ANGPT1: variants seen among roughly 807,000 people sequenced by gnomAD.
The protein encoded by ANGPT1 is angiopoietin-1.
A neutral mutation model predicts 62.2 loss-of-function variants in ANGPT1; 17 were observed. That is an observed-to-expected ratio of 0.27 (90% confidence interval 0.19 to 0.41). The LOEUF (loss-of-function observed/expected upper bound fraction) is 0.41. Ranked by LOEUF, ANGPT1 falls within the 10% of genes least tolerant of loss-of-function variation. ANGPT1 has a pLI of 1.00. For missense variants in ANGPT1, 478 were observed against 594.9 expected, an observed-to-expected ratio of 0.80 and a Z score of 2.04; for synonymous variants, 199 against 198.9, an observed-to-expected ratio of 1.00 and a Z score of 0.00.
At position 107,443,688 on chromosome 8, in the gene ANGPT1, G is replaced by T. The variant is rs58125894; in HGVS notation, c.297+53574C>A. Reference sequence around the variant, plus strand: ...TACAAAATTAGCCAGGTGTGGTGGCGCATGGCTGTAATTCCAGCTATTCAG... The same window carrying T: ...TACAAAATTAGCCAGGTGTGGTGGCTCATGGCTGTAATTCCAGCTATTCAG... On this transcript the variant is annotated intron_variant, in intron 1 of 8. Transcript: ENST00000517746. 8.4e-3 allele frequency among the ~76,000 whole-genome samples: 1,266 copies of T among 151,198 alleles called. 11 individuals carry two copies. Among genetic ancestry groups the T allele is most frequent in the African/African-American group, 0.025 (1,046 of 41,186 alleles).
chr8:107,464,620 T>C lies in ANGPT1; in HGVS notation c.297+32642A>G, dbSNP rs73699710. 2.7e-3 allele frequency among the ~76,000 whole-genome samples: 408 copies of C among 152,248 alleles called. 2 individuals carry two copies. The highest frequency in any genetic ancestry group is 9.4e-3 in the African/African-American group (391 of 41,578). On this transcript the variant is annotated intron_variant, in intron 1 of 8. Coordinates refer to ENST00000517746, the MANE Select transcript of ANGPT1 (RefSeq NM_001146.5). ...GCTCAGCCTCTAGAATCACGCTCTCTGAATTTTAGGGTTTTATGACGTTGG... is the reference window on the plus strand; with the variant it reads ...GCTCAGCCTCTAGAATCACGCTCTCCGAATTTTAGGGTTTTATGACGTTGG...
At chr8:107,272,489 G>A (rs1208777705) in intron 7 of ANGPT1, among the ~76,000 whole-genome samples, 2 of 152,032 alleles carry the variant, frequency 1.3e-5, no homozygotes, top group East Asian at 3.9e-4. Flanking sequence ...GATAAAATGA[G>A]CTTATCAACC....
chr8:107,388,796 C>A (rs1563600093), intron 1 of ANGPT1, among the ~76,000 whole-genome samples: 1 of 152,228 alleles, frequency 6.6e-6, no homozygotes, highest in Non-Finnish European at 1.5e-5. Context: ...TATTTTCCTG[C>A]TGCTAAAAAC....
chr8:107,473,944 A>T (rs1421655763), intron 1 of ANGPT1, among the ~76,000 whole-genome samples: 1 of 152,142 alleles, frequency 6.6e-6, no homozygotes, highest in Non-Finnish European at 1.5e-5. Context: ...GGCAATAATT[A>T]ATAGCCTACC....
intron 7 of ANGPT1, among the ~76,000 whole-genome samples, chr8:107,269,236 G>A (rs1019127205): frequency 4.0e-5 from 6 of 151,768 alleles, no homozygotes; most frequent in East Asian, 3.9e-4. Context: ...CAAAGCCAAC[G>A]ACCACAGCTA....
Position 107,386,234 on chromosome 8 carries a change from C to T in ANGPT1, c.298-39137G>A, listed in dbSNP as rs961648412. ...AAGAAGGGAACAATAGACAAGAGGG[C>T]CCATTTGAGGATGGAGGGTAGGAGG... On this transcript the variant is annotated intron_variant, in intron 1 of 8. Coordinates refer to ENST00000517746, the MANE Select transcript of ANGPT1 (RefSeq NM_001146.5). 6.6e-5 allele frequency among the ~76,000 whole-genome samples: 10 copies of T among 151,960 alleles called. No individual in the cohort carries two copies. In the East Asian group the frequency reaches 1.2e-3, roughly 18 times the overall value.
chr8:107,365,845 GAAAC>G (rs1816260565), intron 1 of ANGPT1, among the ~76,000 whole-genome samples: 1 of 118,436 alleles, frequency 8.4e-6, no homozygotes, highest in South Asian at 3.1e-4. Context: ...ATTAGGACAA[GAAAC>G]AAATACAACA....
At chr8:107,347,267 A>C (rs530352411) in intron 1 of ANGPT1, among the ~76,000 whole-genome samples, 170 bp from the exon 2 acceptor site, 96 of 152,340 alleles carry the variant, frequency 6.3e-4, no homozygotes, top group African/African-American at 2.1e-3. Context: ...ACAGGAATCC[A>C]GTTGTCAACA....
chr8:107,370,243 AAGAG>A lies in ANGPT1; in HGVS notation c.298-23150_298-23147del, dbSNP rs369446200. 1.3e-4 allele frequency among the ~76,000 whole-genome samples: 19 copies of A among 145,320 alleles called. 2 individuals carry two copies. The highest frequency in any genetic ancestry group is 4.7e-4 in the African/African-American group (18 of 38,610). On this transcript the variant is annotated intron_variant, in intron 1 of 8. Coordinates refer to ENST00000517746, the MANE Select transcript of ANGPT1 (RefSeq NM_001146.5). Reference sequence around the variant, plus strand: ...AGGAGAAAGGAAGGAAGAAGGAAGAAAGAGAGAGAGAGAAAAAGAAAGAGAAGGA... The same window carrying A: ...AGGAGAAAGGAAGGAAGAAGGAAGAAAGAGAGAGAAAAAGAAAGAGAAGGA...
At chr8:107,425,074 C>T (rs1480693628) in intron 1 of ANGPT1, among the ~76,000 whole-genome samples, 1 of 152,122 alleles carries the variant, frequency 6.6e-6, no homozygotes, top group Non-Finnish European at 1.5e-5. Flanking sequence ...AGGGTTTCAC[C>T]ATCTTGGCCA....
chr8:107,432,767 C>T (rs527477012), intron 1 of ANGPT1, among the ~76,000 whole-genome samples: 42 of 151,106 alleles, frequency 2.8e-4, no homozygotes, highest in Non-Finnish European at 5.6e-4. Context: ...CTGTTAATAA[C>T]AAGGATTTAT....
intron 5 of ANGPT1, among the ~76,000 whole-genome samples, chr8:107,299,722 A>C (rs1297066240): frequency 1.5e-5 from 2 of 131,868 alleles, no homozygotes; most frequent in African/African-American, 2.8e-5. Flanking sequence ...TACTATATAT[A>C]TAGTTATATC....
chr8:107,425,234 T>G (rs1811009209), intron 1 of ANGPT1, among the ~76,000 whole-genome samples: 1 of 152,204 alleles, frequency 6.6e-6, no homozygotes, highest in Non-Finnish European at 1.5e-5. Flanking sequence ...GAAGGAATAT[T>G]GTTTGGTATC....
chr8:107,319,285 T>C (rs1032473533), intron 4 of ANGPT1, among the ~76,000 whole-genome samples: 5 of 152,112 alleles, frequency 3.3e-5, no homozygotes, highest in Non-Finnish European at 7.4e-5. Flanking sequence ...CTCATTAACA[T>C]TTTTTTAGTC....
chr8:107,354,133 C>A (rs1815991378), intron 1 of ANGPT1, among the ~76,000 whole-genome samples: 1 of 152,064 alleles, frequency 6.6e-6, no homozygotes, highest in Non-Finnish European at 1.5e-5. Flanking sequence ...TGGGCCAGGA[C>A]CCAGGAAAGT....
intron 8 of ANGPT1, among the ~76,000 whole-genome samples, chr8:107,258,731 C>T (rs2022957): frequency 0.85 from 129,507 of 152,206 alleles, 55,106 homozygotes; most frequent in Middle Eastern, 0.88. Context: ...TTCTGCAGTT[C>T]AGTCTTTTGG....
chr8:107,354,390 C>G (rs114160176), intron 1 of ANGPT1, among the ~76,000 whole-genome samples: 2 of 152,010 alleles, frequency 1.3e-5, no homozygotes, highest in Non-Finnish European at 2.9e-5. Flanking sequence ...TGATATACTC[C>G]ATGAATTTGG....
chr8:107,430,768 C>T (rs1811164500), intron 1 of ANGPT1, among the ~76,000 whole-genome samples: 1 of 152,186 alleles, frequency 6.6e-6, no homozygotes, highest in Admixed American at 6.5e-5. Context: ...AATCTATTCT[C>T]CCTTTAGGGC....
chr8:107,277,825 T>G (rs926817817), intron 7 of ANGPT1, among the ~76,000 whole-genome samples: 1 of 151,942 alleles, frequency 6.6e-6, no homozygotes, highest in African/African-American at 2.4e-5. Flanking sequence ...AAAATGTAAT[T>G]GATAGATGAG....
Sources: allele counts gnomAD v4.1 joint callset (sites outside exome capture counted in the v4.1 genomes callset), GRCh38; gene constraint gnomAD v4.1.1; transcripts MANE v1.5; gene names NCBI Gene and HGNC (gene_info 2026-07-23, HGNC 2026-07-21).